Variants in KCNIP4 observed in about 807,000 individuals in gnomAD.
KCNIP4 encodes the protein Kv channel-interacting protein 4.
KCNIP4 carries 12 observed loss-of-function variants against 34.0 expected under a neutral mutation model. The observed-to-expected ratio is 0.35, with a 90% confidence interval of 0.23 to 0.57. The LOEUF is 0.57. Ranked by LOEUF, KCNIP4 falls within the 20% of genes least tolerant of loss-of-function variation. KCNIP4 has a pLI of 0.83. For missense variants in KCNIP4, 238 were observed against 311.7 expected (o/e 0.76, Z 1.78); for synonymous variants, 124 against 102.2 (o/e 1.21, Z -1.29).
chr4:21,002,852 C>G (rs1438417509), intron 1 of KCNIP4, among the ~76,000 whole-genome samples: 2 of 152,202 alleles, frequency 1.3e-5, no homozygotes, highest in African/African-American at 4.8e-5. Context: ...TTTAACCTCT[C>G]TGGCTTCTGT....
chr4:21,737,874 G>T (rs1716098513), intron 1 of KCNIP4, among the ~76,000 whole-genome samples: 1 of 151,978 alleles, frequency 6.6e-6, no homozygotes, highest in Non-Finnish European at 1.5e-5. Flanking sequence ...CATAAGGTCA[G>T]GAGATCGAGA....
intron 3 of KCNIP4, among the ~76,000 whole-genome samples, chr4:20,796,810 C>G (rs982156979): frequency 6.6e-6 from 1 of 152,054 alleles, no homozygotes; most frequent in Admixed American, 6.6e-5. Context: ...AAAACAGATT[C>G]CATCATAGGT....
intron 1 of KCNIP4, among the ~76,000 whole-genome samples, chr4:21,233,526 G>T (rs1489867683): frequency 6.6e-5 from 10 of 151,948 alleles, no homozygotes; most frequent in Non-Finnish European, 1.3e-4. Flanking sequence ...AGAGAGAGAG[G>T]CTGAGGCTCA....
chr4:21,874,115 C>A (rs1005272171), intron 1 of KCNIP4, among the ~76,000 whole-genome samples: 1 of 152,170 alleles, frequency 6.6e-6, no homozygotes, highest in Non-Finnish European at 1.5e-5. Flanking sequence ...GAAGGGGGCA[C>A]TTAACCATAT....
intron 1 of KCNIP4, chr4:21,845,510 G>A (rs1723960782): frequency 6.6e-6 from 1 of 151,946 alleles, no homozygotes; most frequent in East Asian, 1.9e-4. Flanking sequence ...TCATAACCAC[G>A]ATTCTTAGAA....
Position 20,882,668 on chromosome 4 carries a change from C to T in KCNIP4, c.103G>A (p.Glu35Lys). 2 of 1,613,536 alleles carry T rather than the reference C, an allele frequency of 1.2e-6. No individual in the cohort carries two copies. The highest frequency in any genetic ancestry group is 1.1e-5 in the South Asian group (1 of 91,054). The change falls in exon 2 of 9, where the codon GAG becomes AAG. Residue 35 changes from glutamate to lysine, a missense_variant. Glu to Lys is a moderately conservative substitution (Grantham distance 56). Coordinates refer to ENST00000382152, the MANE Select transcript of KCNIP4 (RefSeq NM_025221.6). ...CAGGGCAAGAGCTTCATGAGCCGCT[C>T]TTTAATGCTGCGCTTGGTGCTGTTC... is the stretch of plus-strand genomic sequence containing the variant. Reference protein sequence around the residue: ...AQNSTKRSIKERLMKLLPCSA... With the variant: ...AQNSTKRSIKKRLMKLLPCSA...
Position 20,838,286 on chromosome 4 carries a change from A to C in KCNIP4, c.288+12257T>G, listed in dbSNP as rs150009954. On this transcript the variant is annotated intron_variant, in intron 3 of 8. Coordinates refer to ENST00000382152, the MANE Select transcript of KCNIP4 (RefSeq NM_025221.6). ...ATGCTGGTTCTTCAAGTGGTATTTGAGTTTGAAGTACATCAGTTCACACTG... is the reference window on the plus strand; with the variant it reads ...ATGCTGGTTCTTCAAGTGGTATTTGCGTTTGAAGTACATCAGTTCACACTG... Among the ~76,000 whole-genome samples, 57 of 152,302 alleles carry C rather than the reference A, an allele frequency of 3.7e-4. 1 individual carries two copies. The highest frequency in any genetic ancestry group is 1.2e-3 in the African/African-American group (49 of 41,572).
At chr4:20,806,087 C>G (rs1022731933) in intron 3 of KCNIP4, among the ~76,000 whole-genome samples, 1 of 151,922 alleles carries the variant, frequency 6.6e-6, no homozygotes. Flanking sequence ...GGGGGGCTTT[C>G]TTTAATATAT....
intron 1 of KCNIP4, among the ~76,000 whole-genome samples, chr4:21,782,565 G>A (rs1292645720): frequency 6.6e-6 from 1 of 151,974 alleles, no homozygotes; most frequent in Admixed American, 6.6e-5. Flanking sequence ...AGGCATGATG[G>A]CATGCACCTT....
intron 1 of KCNIP4, among the ~76,000 whole-genome samples, chr4:21,908,933 G>C (rs1459943682): frequency 6.6e-6 from 1 of 152,072 alleles, no homozygotes; most frequent in East Asian, 1.9e-4. Context: ...ACAACTCTGA[G>C]TTTGTGTGTT....
intron 1 of KCNIP4, among the ~76,000 whole-genome samples, chr4:20,919,597 G>A (rs1729187785): frequency 6.6e-6 from 1 of 151,402 alleles, no homozygotes; most frequent in African/African-American, 2.4e-5. Context: ...CAGCAACTCA[G>A]GAGGCTGAGG....
At chr4:21,295,303 T>C (rs6858452) in intron 1 of KCNIP4, among the ~76,000 whole-genome samples, 86,237 of 151,890 alleles carry the variant, frequency 0.57, 24,925 homozygotes, top group African/African-American at 0.67. Flanking sequence ...TGGTATCTGG[T>C]GCAGAGCAAA....
At chr4:21,202,916 C>T (rs1454943082) in intron 1 of KCNIP4, among the ~76,000 whole-genome samples, 1 of 152,198 alleles carries the variant, frequency 6.6e-6, no homozygotes, top group Non-Finnish European at 1.5e-5. Context: ...TCTTGGCCCA[C>T]AGCCTGCTCT....
At chr4:21,817,198 G>C (rs1420816537) in intron 1 of KCNIP4, among the ~76,000 whole-genome samples, 1 of 152,128 alleles carries the variant, frequency 6.6e-6, no homozygotes, top group Admixed American at 6.5e-5. Flanking sequence ...ACCCCAAATG[G>C]AGGGACCATC....
intron 1 of KCNIP4, among the ~76,000 whole-genome samples, chr4:21,920,762 T>C (rs879703212): frequency 7.2e-5 from 11 of 152,192 alleles, no homozygotes; most frequent in Non-Finnish European, 1.5e-4. Flanking sequence ...CCCCTATGGA[T>C]ACCAAGGGAC....
chr4:21,762,940 TC>T, intron 1 of KCNIP4: 2 of 1,288,744 alleles, frequency 1.6e-6, no homozygotes, highest in Non-Finnish European at 2.0e-6. Context: ...TGACAGGTGC[TC>T]CCACTTCCGA....
chr4:21,006,872 T>A (rs1171749415), intron 1 of KCNIP4, among the ~76,000 whole-genome samples: 1 of 152,110 alleles, frequency 6.6e-6, no homozygotes, highest in African/African-American at 2.4e-5. Context: ...ACAGGGGATG[T>A]TCTGAACAAG....
chr4:21,650,893 T>C (rs1747434120), intron 1 of KCNIP4, among the ~76,000 whole-genome samples: 1 of 152,180 alleles, frequency 6.6e-6, no homozygotes. Flanking sequence ...AGATGCCTAT[T>C]CTTTGCTGGT....
chr4:21,931,787 T>C (rs1199040572), intron 1 of KCNIP4, among the ~76,000 whole-genome samples: 1 of 152,158 alleles, frequency 6.6e-6, no homozygotes, highest in Non-Finnish European at 1.5e-5. Context: ...CCTTTGGGTA[T>C]ATTCCCAGTA....
Sources: gnomAD v4.1 joint callset for allele counts (sites outside exome capture counted in the v4.1 genomes callset) on GRCh38, gnomAD v4.1.1 for gene constraint, MANE v1.5 for transcripts, NCBI Gene and HGNC (gene_info 2026-07-23, HGNC 2026-07-21) for gene names.